The following NRG3 variants were observed in gnomAD, a reference collection of about 807,000 sequenced individuals.
NRG3 encodes pro-neuregulin-3, membrane-bound isoform.
A neutral mutation model predicts 66.9 loss-of-function variants in NRG3; 31 were observed. The observed-to-expected ratio is 0.46, with a 90% CI of 0.35 to 0.63. The LOEUF (loss-of-function observed/expected upper bound fraction) is 0.63. Among genes scored for constraint, NRG3 ranks in the 20% least tolerant of loss-of-function variants. NRG3 has a pLI of 0.00. For synonymous variants in NRG3, 393 were observed against 359.4 expected, an observed-to-expected ratio of 1.09 and a Z score of -1.06; for missense variants, 910 against 878.9, an observed-to-expected ratio of 1.04 and a Z score of -0.45.
At chr10:82,826,867 T>C (rs894509556) in intron 3 of NRG3, among the ~76,000 whole-genome samples, 2 of 151,980 alleles carry the variant, frequency 1.3e-5, no homozygotes, top group African/African-American at 4.8e-5. Flanking sequence ...ACATGCAATT[T>C]ACCCATGTTA....
At chr10:82,889,061 A>C (rs1842939849) in intron 4 of NRG3, among the ~76,000 whole-genome samples, 1 of 152,132 alleles carries the variant, frequency 6.6e-6, no homozygotes, top group African/African-American at 2.4e-5. Flanking sequence ...GTTTTGAGTG[A>C]AGTGGGGAGC....
chr10:82,722,387 AAATC>A (rs1420249809), intron 2 of NRG3, among the ~76,000 whole-genome samples: 4 of 152,210 alleles, frequency 2.6e-5, no homozygotes, highest in Non-Finnish European at 5.9e-5. Context: ...TTGGTATTGA[AAATC>A]AAAGGAAGAT....
chr10:82,270,855 A>G (rs1045389007), intron 1 of NRG3, among the ~76,000 whole-genome samples: 2 of 152,104 alleles, frequency 1.3e-5, no homozygotes, highest in African/African-American at 4.8e-5. Context: ...TACATTTTAT[A>G]CTGTGGATGC....
At chr10:82,086,116 C>CA (rs386361937) in intron 1 of NRG3, among the ~76,000 whole-genome samples, 37,123 of 151,014 alleles carry the variant, frequency 0.25, 5,026 homozygotes, top group African/African-American at 0.35. Flanking sequence ...TATGGAATCA[C>CA]AAAAAAAAAT....
intron 3 of NRG3, among the ~76,000 whole-genome samples, chr10:82,843,911 C>A: frequency 6.6e-6 from 1 of 152,114 alleles, no homozygotes; most frequent in Non-Finnish European, 1.5e-5. Flanking sequence ...ATAAACCTAT[C>A]TACATAGCAA....
chr10:82,348,771 T>C (rs2083206882), intron 1 of NRG3, among the ~76,000 whole-genome samples: 1 of 151,636 alleles, frequency 6.6e-6, no homozygotes, highest in Non-Finnish European at 1.5e-5. Context: ...TCATTTCTTT[T>C]TATTCTTTTT....
intron 2 of NRG3, among the ~76,000 whole-genome samples, chr10:82,471,231 C>G (rs182329655): frequency 6.6e-6 from 1 of 152,164 alleles, no homozygotes; most frequent in Non-Finnish European, 1.5e-5. Flanking sequence ...TCCTACCTCA[C>G]AGATTGAAAC....
At chr10:82,554,259 C>CA (rs1162629790) in intron 2 of NRG3, among the ~76,000 whole-genome samples, 1 of 151,998 alleles carries the variant, frequency 6.6e-6, no homozygotes, top group African/African-American at 2.4e-5. Context: ...TTTTATATTT[C>CA]AAAATACGTA....
At chr10:82,860,099 G>T (rs1167041916) in intron 3 of NRG3, among the ~76,000 whole-genome samples, 1 of 152,146 alleles carries the variant, frequency 6.6e-6, no homozygotes, top group Non-Finnish European at 1.5e-5. Flanking sequence ...TTTGCTTGCT[G>T]TATGTGCAAG....
At chr10:82,100,099 G>C (rs565559569) in intron 1 of NRG3, among the ~76,000 whole-genome samples, 1 of 151,536 alleles carries the variant, frequency 6.6e-6, no homozygotes, top group African/African-American at 2.4e-5. Context: ...TCAATATTTT[G>C]TCACTTCCAG....
At position 82,720,810 on chromosome 10, in the gene NRG3, C is replaced by CATATATATATATATAT. The variant is rs5786567; in HGVS notation, c.954-17750_954-17735dup. On this transcript the variant is annotated intron_variant, in intron 2 of 8. Coordinates refer to ENST00000372141, the MANE Select transcript of NRG3 (RefSeq NM_001010848.4). ...AACACATATATAGGAGTATTTTATACATATATATATATATATATATATATA... is the reference window on the plus strand; with the variant it reads ...AACACATATATAGGAGTATTTTATACATATATATATATATATATATATATATATATATATATATATA... 8.7e-3 allele frequency among the ~76,000 whole-genome samples: 1,001 copies of CATATATATATATATAT among 114,446 alleles called. 17 individuals are homozygous for CATATATATATATATAT. Among genetic ancestry groups the CATATATATATATATAT allele is most frequent in the African/African-American group, 0.017 (381 of 22,748 alleles). The allele number at this position is 114,446 out of a possible 152,430, so 75.1% of individuals were successfully genotyped here.
chr10:82,936,478 G>A (rs747779117), intron 4 of NRG3, among the ~76,000 whole-genome samples: 63 of 152,180 alleles, frequency 4.1e-4, no homozygotes, highest in Non-Finnish European at 7.6e-4. Context: ...TCGGGGAGAT[G>A]TTGGTCAAAT....
chr10:82,875,840 G>A lies in NRG3; in HGVS notation c.1054+10403G>A, dbSNP rs149099604. ...GATAATATTTTGGCTTAATTATTAA[G>A]AGTAGTCATTAACACATATTGGTAC... On this transcript the variant is annotated intron_variant, in intron 4 of 8. Coordinates refer to ENST00000372141, the MANE Select transcript of NRG3 (RefSeq NM_001010848.4). 5.9e-5 allele frequency among the ~76,000 whole-genome samples: 9 copies of A among 152,296 alleles called. No homozygotes were observed. In the East Asian group the frequency reaches 1.4e-3, roughly 23 times the overall value.
intron 1 of NRG3, among the ~76,000 whole-genome samples, chr10:81,999,941 G>A (rs2061097180): frequency 6.6e-6 from 1 of 152,078 alleles, no homozygotes; most frequent in Admixed American, 6.5e-5. Flanking sequence ...ATCCTTGTCT[G>A]GACAGTATTA....
At chr10:82,236,611 C>T (rs2076763307) in intron 1 of NRG3, among the ~76,000 whole-genome samples, 1 of 151,730 alleles carries the variant, frequency 6.6e-6, no homozygotes, top group South Asian at 2.1e-4. Flanking sequence ...GTTTCTCAGT[C>T]ATCTGTTTAA....
chr10:82,015,105 A>G (rs1312248984), intron 1 of NRG3, among the ~76,000 whole-genome samples: 1 of 152,204 alleles, frequency 6.6e-6, no homozygotes, highest in Non-Finnish European at 1.5e-5. Flanking sequence ...AAATCATCAT[A>G]TAGTTTAAGA....
At chr10:82,201,766 A>AT (rs61622055) in intron 1 of NRG3, among the ~76,000 whole-genome samples, 2,561 of 152,232 alleles carry the variant, frequency 0.017, 72 homozygotes, top group African/African-American at 0.059. Flanking sequence ...CCTTTCAGCA[A>AT]TTTTTTCTGT....
chr10:82,794,584 C>A (rs2060719267), intron 3 of NRG3, among the ~76,000 whole-genome samples: 1 of 152,078 alleles, frequency 6.6e-6, no homozygotes, highest in Non-Finnish European at 1.5e-5. Flanking sequence ...GCTTAATAAG[C>A]AGAAGAAAGC....
At chr10:82,021,887 T>C (rs1412000687) in intron 1 of NRG3, among the ~76,000 whole-genome samples, 1 of 151,724 alleles carries the variant, frequency 6.6e-6, no homozygotes, top group Non-Finnish European at 1.5e-5. Context: ...TTAAATAATA[T>C]TGTCAGCATG....
Sources: allele counts gnomAD v4.1 joint callset (sites outside exome capture counted in the v4.1 genomes callset), GRCh38; gene constraint gnomAD v4.1.1; transcripts MANE v1.5; gene names NCBI Gene and HGNC (gene_info 2026-07-23, HGNC 2026-07-21).